The following FGFRL1 variants were observed in gnomAD, a reference collection of about 807,000 sequenced individuals.
FGFRL1 encodes fibroblast growth factor receptor-like 1.
FGFRL1 carries 24 observed loss-of-function variants against 36.8 expected under a neutral mutation model. The observed-to-expected ratio is 0.65, with a 90% CI of 0.47 to 0.92. The LOEUF (loss-of-function observed/expected upper bound fraction) is 0.92, where lower values mean the gene tolerates loss of function less well. FGFRL1 is among the 40% of genes least tolerant of loss of function. The pLI, the probability that FGFRL1 is intolerant of heterozygous loss-of-function variation, is 0.00. For synonymous variants in FGFRL1, 422 were observed against 344.1 expected (o/e 1.23, Z -2.50); for missense variants, 785 against 753.4 (o/e 1.04, Z -0.49).
chr4:1,024,378 G>T lies in FGFRL1; in HGVS notation c.786G>T (p.Gly262=), dbSNP rs1235428747. ...TGAACACGACGGTGGACTTCGGGGG[G>T]ACCACGTCCTTCCAGTGCAAGGTGC... ...HPVNTTVDFG[G]TTSFQCKVRS... The change falls in exon 6 of 7, where the codon GGG becomes GGT. Residue 262 remains glycine (G), a synonymous_variant. Transcript: ENST00000510644. The T allele has an allele frequency of 1.2e-6, 2 of 1,612,376 alleles. No individual in the cohort carries two copies. Among genetic ancestry groups the T allele is most frequent in the East Asian group, 2.2e-5 (1 of 44,870 alleles).
chr4:1,023,663 G>A lies in FGFRL1; in HGVS notation c.375G>A (p.Glu125=). 1 of 1,604,944 alleles carries A rather than the reference G, an allele frequency of 6.2e-7. No individual in the cohort carries two copies. ...CAGATGACATTAGCCCAGGGAAGGA[G>A]AGCCTGGGGCCCGACAGCTCCTCTG... The part of the protein sequence containing the change: ...VVLDDISPGK[E]SLGPDSSSGG... The change falls in exon 4 of 7, where the codon GAG becomes GAA. Residue 125 remains glutamate, a synonymous_variant. Coordinates refer to ENST00000510644, the MANE Select transcript of FGFRL1 (RefSeq NM_001004356.3). This position sits in a 1 kb window ranked among gnomAD's most constrained non-coding sequence, Gnocchi z 6.0.
rs1426989637 is a variant in FGFRL1 at position 1,025,008 on chromosome 4, C to G, written c.1176C>G (p.Gly392=). 1 of 1,611,048 alleles carries G rather than the reference C, an allele frequency of 6.2e-7. No homozygotes were observed. Among genetic ancestry groups the G allele is most frequent in the Admixed American group, 1.7e-5 (1 of 60,006 alleles). The change falls in exon 7 of 7, where the codon GGC becomes GGG. Residue 392 remains glycine, a synonymous_variant. Transcript: ENST00000510644. ...CAGCCGGCGCTGTCTTCATCCTGGG[C>G]ACCCTGCTCCTGTGGCTTTGCCAGG... ...GIPAGAVFIL[G]TLLLWLCQAQ...
intron 2 of FGFRL1, among the ~76,000 whole-genome samples, chr4:1,017,917 C>G (rs1715978070): frequency 6.6e-6 from 1 of 152,236 alleles, no homozygotes; most frequent in South Asian, 2.1e-4. Context: ...CGAATGTCCA[C>G]TGAGTATCTG....
rs1415301693 is a variant in FGFRL1 at position 1,026,174 on chromosome 4, T to A, written c.*827T>A. Reference sequence around the variant, plus strand: ...GCCTGGACACACACATGTGCACAGATATGCTGTCTGGACATGCACACACGT... The same window carrying A: ...GCCTGGACACACACATGTGCACAGAAATGCTGTCTGGACATGCACACACGT... On this transcript the variant is annotated 3_prime_UTR_variant, in exon 7 of 7. Coordinates refer to ENST00000510644, the MANE Select transcript of FGFRL1 (RefSeq NM_001004356.3). 6.4e-6 allele frequency: 1 copy of A among 155,704 alleles called. No individual in the cohort carries two copies. Among genetic ancestry groups the A allele is most frequent in the Non-Finnish European group, 1.4e-5 (1 of 70,606 alleles). 9.6% of individuals were successfully genotyped at this position (155,704 alleles called of 1,614,324 possible). A position where few individuals can be genotyped will look rare whatever the true frequency, so the allele number is the denominator to read the frequency against.
rs1221104082 is a variant in FGFRL1 at position 1,012,584 on chromosome 4, C to G, written c.79+20C>G. 8.0e-7 allele frequency: 1 copy of G among 1,249,762 alleles called. No individual in the cohort carries two copies. Among genetic ancestry groups the G allele is most frequent in the South Asian group, 1.5e-5 (1 of 67,570 alleles). The allele number at this position is 1,249,762 out of a possible 1,614,324, so 77.4% of individuals were successfully genotyped here. A position where few individuals can be genotyped will look rare whatever the true frequency, so the allele number is the denominator to read the frequency against. On this transcript the variant is annotated intron_variant, in intron 2 of 6. Transcript: ENST00000510644. ...CCCGAGGTGAGTTCTGGCGCCCAGCCCGGCCAGCCTGGCCTCCGCCAGCGC... is the reference window on the plus strand; with the variant it reads ...CCCGAGGTGAGTTCTGGCGCCCAGCGCGGCCAGCCTGGCCTCCGCCAGCGC...
At position 1,024,681 on chromosome 4, in the gene FGFRL1, C is replaced by G. The variant is rs779233775; in HGVS notation, c.1072+17C>G. 2.3e-5 allele frequency: 36 copies of G among 1,579,808 alleles called. No individual in the cohort carries two copies. Among genetic ancestry groups the G allele is most frequent in the Non-Finnish European group, 2.9e-5 (34 of 1,161,276 alleles). ...TGCTGCCAGGTGCGCGGCTGCCACG[C>G]CACGCCACACCATGCTGGTGCCCGG... On this transcript the variant is annotated intron_variant, in intron 6 of 6. Coordinates refer to ENST00000510644, the MANE Select transcript of FGFRL1 (RefSeq NM_001004356.3).
Position 1,012,548 on chromosome 4 carries a change from G to C in FGFRL1, c.63G>C (p.Pro21=), listed in dbSNP as rs868087523. ...CGCTGCTGCTGGGGGCCTTCCCGCC[G>C]GCCGCCGCCGCCCGAGGTGAGTTCT... ...LPPLLLGAFP[P]AAAARGPPKM... is the part of the protein sequence containing the mutation. Residue 21 remains proline, a synonymous_variant, in exon 2 of 7, where the codon CCG becomes CCC. Transcript: ENST00000510644. 1 of 1,465,692 alleles carries C rather than the reference G, an allele frequency of 6.8e-7. No individual in the cohort carries two copies. The highest frequency in any genetic ancestry group is 1.2e-5 in the South Asian group (1 of 80,032). The allele number at this position is 1,465,692 out of a possible 1,614,324, so 90.8% of individuals were successfully genotyped here. A position where few individuals can be genotyped will look rare whatever the true frequency, so the allele number is the denominator to read the frequency against.
chr4:1,020,240 G>A (rs960566031), intron 2 of FGFRL1, among the ~76,000 whole-genome samples: 5 of 152,224 alleles, frequency 3.3e-5, no homozygotes, highest in Non-Finnish European at 7.3e-5. Context: ...TGTTCTGCAC[G>A]CAGCCTGGAC....
chr4:1,021,867 G>A (rs561391391), intron 2 of FGFRL1, among the ~76,000 whole-genome samples: 2 of 152,314 alleles, frequency 1.3e-5, no homozygotes, highest in African/African-American at 4.8e-5. Flanking sequence ...GGTGGTTTTC[G>A]AGAGTTACCA....
chr4:1,016,409 A>G (rs1715888719), intron 2 of FGFRL1, among the ~76,000 whole-genome samples: 1 of 152,066 alleles, frequency 6.6e-6, no homozygotes, highest in Non-Finnish European at 1.5e-5. Flanking sequence ...TGGGATGGGT[A>G]CGGAGGAATC....
rs1298063286 is a variant in FGFRL1, at chr4:1,025,283, C to G, written c.1451C>G (p.Thr484Arg). The G allele has an allele frequency of 1.3e-6, 2 of 1,584,348 alleles. No individual in the cohort carries two copies. Among genetic ancestry groups the G allele is most frequent in the Non-Finnish European group, 1.7e-6 (2 of 1,164,832 alleles). Residue 484 changes from threonine to arginine, a missense_variant, in exon 7 of 7, where the codon ACA becomes AGA. Thr to Arg is a moderately conservative substitution (Grantham distance 71). Coordinates refer to ENST00000510644, the MANE Select transcript of FGFRL1 (RefSeq NM_001004356.3). ...LYTDIHTHTHTHSHTHSHVEG... is the reference protein window; with the variant it reads ...LYTDIHTHTHRHSHTHSHVEG... ...ACAGACATCCACACACACACACACA[C>G]ACACTCTCACACACACTCACACGTG...
chr4:1,013,251 G>A (rs563437950), intron 2 of FGFRL1, among the ~76,000 whole-genome samples: 118 of 152,360 alleles, frequency 7.7e-4, no homozygotes, highest in Middle Eastern at 6.8e-3. Flanking sequence ...AAGGACATCC[G>A]GAGCCGATGG....
rs1377402386 is a variant in FGFRL1 at position 1,025,197 on chromosome 4, C to T, written c.1365C>T (p.Ala455=). The part of the protein sequence containing the change: ...GLCEEHGSPA[A]PQHLLGPGPV... Reference sequence around the variant, plus strand: ...GTGAGGAGCATGGGTCTCCGGCAGCCCCCCAGCACTTACTGGGCCCAGGCC... The same window carrying T: ...GTGAGGAGCATGGGTCTCCGGCAGCTCCCCAGCACTTACTGGGCCCAGGCC... Residue 455 remains alanine, a synonymous_variant, in exon 7 of 7, where the codon GCC becomes GCT. Transcript: ENST00000510644. The T allele has an allele frequency of 6.2e-7, 1 of 1,610,726 alleles. No homozygotes were observed.
At chr4:1,019,693 C>T (rs1156539129) in intron 2 of FGFRL1, among the ~76,000 whole-genome samples, 1 of 152,180 alleles carries the variant, frequency 6.6e-6, no homozygotes, top group East Asian at 1.9e-4. Context: ...CCCACAGCCG[C>T]CATCTCATTT....
In FGFRL1 at chr4:1,024,297, C is replaced by A; in HGVS notation, c.719-14C>A. The stretch of plus-strand genomic sequence containing the variant: ...GCGGCCCAGGAGCCATGCCCGCGTG[C>A]CACGTTCCCACAGAGCGGACCCGTT... On this transcript the variant is annotated splice_polypyrimidine_tract_variant and intron_variant, in intron 5 of 6. Transcript: ENST00000510644. 1 of 1,576,280 alleles carries A rather than the reference C, an allele frequency of 6.3e-7. No individual in the cohort carries two copies.
Position 1,026,741 on chromosome 4 carries a change from C to A in FGFRL1, c.*1394C>A, listed in dbSNP as rs1716560505. 4.8e-6 allele frequency: 2 copies of A among 418,874 alleles called. No homozygotes were observed. The highest frequency in any genetic ancestry group is 7.5e-5 in the East Asian group (1 of 13,372). 25.9% of individuals were successfully genotyped at this position (418,874 alleles called of 1,614,324 possible). A position where few individuals can be genotyped will look rare whatever the true frequency, so the allele number is the denominator to read the frequency against. ...GGGGCCCGGGACCCGCCTGGTCTTT[C>A]AGCCATGCTGATGACCACACCCCGT... On this transcript the variant is annotated 3_prime_UTR_variant, in exon 7 of 7. Transcript: ENST00000510644.
chr4:1,024,250 T>C, intron 5 of FGFRL1, 61 bp from the exon 6 acceptor site: 1 of 1,511,574 alleles, frequency 6.6e-7, no homozygotes, highest in East Asian at 2.3e-5. Context: ...GGGCCCAGGG[T>C]GCTGGCGGGG....
intron 2 of FGFRL1, among the ~76,000 whole-genome samples, chr4:1,014,925 A>ACC (rs1329680769): frequency 6.6e-6 from 1 of 152,204 alleles, no homozygotes; most frequent in Non-Finnish European, 1.5e-5. Flanking sequence ...GGAAACGCCG[A>ACC]CCGCAGACTC....
intron 3 of FGFRL1, 46 bp downstream of exon 3, chr4:1,022,521 G>C (rs1225478933): frequency 2.6e-6 from 4 of 1,545,982 alleles, no homozygotes; most frequent in East Asian, 4.5e-5. Context: ...GTTGGAGCCA[G>C]GCAGGGGTGT....
Sources: allele counts gnomAD v4.1 joint callset (sites outside exome capture counted in the v4.1 genomes callset), GRCh38; gene constraint gnomAD v4.1.1; non-coding constraint Gnocchi (gnomAD v3.1); transcripts MANE v1.5; gene names NCBI Gene and HGNC (gene_info 2026-07-23, HGNC 2026-07-21).